UPF1: variants seen among roughly 807,000 people sequenced by gnomAD.
UPF1 encodes regulator of nonsense transcripts 1.
A neutral mutation model predicts 129.2 loss-of-function variants in UPF1; 9 were observed. That is an observed-to-expected ratio of 0.07 (90% CI 0.04 to 0.12). UPF1 has a LOEUF of 0.12. Ranked by LOEUF, UPF1 falls within the 10% of genes least tolerant of loss-of-function variation. UPF1 has a pLI of 1.00. For synonymous variants in UPF1, 649 were observed against 644.9 expected (o/e 1.01, Z -0.10); for missense variants, 788 against 1,525.3 (o/e 0.52, Z 8.05).
chr19:18,863,612 G>C lies in UPF1; in HGVS notation c.2775G>C (p.Pro925=). The part of the protein sequence containing the change: ...KPRKLVNTIN[P]GARFMTTAMY... Reference sequence around the variant, plus strand: ...GGAAGCTGGTCAACACTATCAACCCGGTGAGCGCCTGCACAGGACAGCAGG... The same window carrying C: ...GGAAGCTGGTCAACACTATCAACCCCGTGAGCGCCTGCACAGGACAGCAGG... Residue 925 remains proline (P), a splice_region_variant and synonymous_variant, in exon 19 of 24, where the codon CCG becomes CCC. Coordinates refer to ENST00000262803, the MANE Select transcript of UPF1 (RefSeq NM_002911.4). The C allele has an allele frequency of 6.2e-7, 1 of 1,612,558 alleles. No homozygotes were observed. The highest frequency in any genetic ancestry group is 8.5e-7 in the Non-Finnish European group (1 of 1,179,464).
At chr19:18,859,034 A>C (rs1601123111) in intron 15 of UPF1, among the ~76,000 whole-genome samples, 1 of 152,166 alleles carries the variant, frequency 6.6e-6, no homozygotes, top group Admixed American at 6.5e-5. Flanking sequence ...GGGTTGGGCC[A>C]CACCACTCTT....
chr19:18,861,028 G>A, intron 17 of UPF1, 46 bp downstream of exon 17: 1 of 1,527,260 alleles, frequency 6.5e-7, no homozygotes, highest in South Asian at 1.2e-5. Flanking sequence ...GCCATGCAAG[G>A]GTATTGACCC....
chr19:18,852,775 G>C lies in UPF1; in HGVS notation c.973-212G>C, dbSNP rs910597412. ...CTGGTGTGCGGTGAAGCCTCCAGAC[G>C]GGATTGGCCTGTGTGTGTTCCGGGG... On this transcript the variant is annotated intron_variant, in intron 6 of 23. Coordinates refer to ENST00000262803, the MANE Select transcript of UPF1 (RefSeq NM_002911.4). Among the ~76,000 whole-genome samples the C allele has an allele frequency of 2.0e-5, 3 of 152,088 alleles. No individual in the cohort carries two copies. The East Asian group carries it at 5.8e-4, about 30-fold the overall frequency.
intron 1 of UPF1, among the ~76,000 whole-genome samples, chr19:18,836,016 C>T (rs965233612): frequency 3.3e-5 from 5 of 152,190 alleles, no homozygotes; most frequent in Non-Finnish European, 5.9e-5. Flanking sequence ...ACTCCCTGCA[C>T]TCAGAGCTGG....
intron 11 of UPF1, chr19:18,855,444 G>A (rs2055706572): frequency 1.5e-6 from 1 of 652,424 alleles, no homozygotes. Flanking sequence ...AACCAGGTCT[G>A]CTACTGGTTT....
At chr19:18,836,731 A>T (rs1041562935) in intron 1 of UPF1, among the ~76,000 whole-genome samples, 3 of 151,056 alleles carry the variant, frequency 2.0e-5, no homozygotes, top group Non-Finnish European at 4.4e-5. Flanking sequence ...AAAGTCAGGG[A>T]GATACCACTA....
Position 18,857,471 on chromosome 19 carries a change from C to T in UPF1, c.2120C>T (p.Ala707Val). Reference protein sequence around the residue: ...RLQVQYRMHPALSAFPSNIFY... With the variant: ...RLQVQYRMHPVLSAFPSNIFY... ...CAGGTCCAGTACCGGATGCACCCTG[C>T]ACTCAGCGCCTTCCCATCCAACATC... is the stretch of plus-strand genomic sequence containing the variant. The change falls in exon 15 of 24, where the codon GCA (alanine) becomes GTA (valine). Residue 707 changes from alanine to valine, a missense_variant. By Grantham distance (64) the Ala-to-Val change is moderately conservative. Around this residue, in one of 6 missense-constraint regions of UPF1, gnomAD observed 140 missense variants for 385.9 expected, o/e 0.36. Transcript: ENST00000262803. 6.2e-7 allele frequency: 1 copy of T among 1,613,948 alleles called. No homozygotes were observed. Among genetic ancestry groups the T allele is most frequent in the Non-Finnish European group, 8.5e-7 (1 of 1,180,018 alleles).
chr19:18,864,055 GCACAGTGT>G, intron 19 of UPF1, 107 bp from the exon 20 acceptor site: 1 of 893,548 alleles, frequency 1.1e-6, no homozygotes, highest in Non-Finnish European at 1.8e-6. Flanking sequence ...AGAGCCCCTG[GCACAGTGT>G]CAACACCTCA....
Position 18,846,112 on chromosome 19 carries a change from G to T in UPF1, c.364G>T (p.Ala122Ser), listed in dbSNP as rs1196297233. 8.7e-6 allele frequency: 14 copies of T among 1,613,876 alleles called. No homozygotes were observed. The highest frequency in any genetic ancestry group is 1.1e-5 in the Non-Finnish European group (13 of 1,180,010). ...TYYTKDLPIH[A>S]CSYCGIHDPA... is the part of the protein sequence containing the mutation. ...TTACACGAAGGACCTCCCCATACAC[G>T]CCTGCAGGTGAGCTGAGCTCAGCTG... Residue 122 changes from alanine (A) to serine (S), a missense_variant, in exon 2 of 24, where the codon GCC becomes TCC. Around this residue, in one of 6 missense-constraint regions of UPF1, gnomAD observed 227 missense variants for 517.9 expected, o/e 0.44. Coordinates refer to ENST00000262803, the MANE Select transcript of UPF1 (RefSeq NM_002911.4).
intron 1 of UPF1, among the ~76,000 whole-genome samples, chr19:18,839,761 G>A (rs1181296751): frequency 2.0e-5 from 3 of 152,224 alleles, no homozygotes; most frequent in Admixed American, 6.5e-5. Flanking sequence ...GTGCTTGTGG[G>A]ACTGAGGGCA....
At chr19:18,855,471 G>T (rs550910917) in intron 11 of UPF1, 4 of 604,938 alleles carry the variant, frequency 6.6e-6, no homozygotes, top group African/African-American at 3.7e-5. Flanking sequence ...CTGGGGGCAG[G>T]GGGGGCATGG....
At chr19:18,846,198 C>A in intron 2 of UPF1, 79 bp downstream of exon 2, 1 of 1,582,676 alleles carries the variant, frequency 6.3e-7, no homozygotes. Flanking sequence ...ACTCACCTCC[C>A]AGGTACAGGG....
At position 18,849,982 on chromosome 19, in the gene UPF1, A is replaced by G. The variant is rs2055640592; in HGVS notation, c.462-93A>G. 7.3e-6 allele frequency: 11 copies of G among 1,511,384 alleles called. No homozygotes were observed. In the East Asian group the frequency reaches 2.3e-4, roughly 31 times the overall value. The allele number at this position is 1,511,384 out of a possible 1,614,324, so 93.6% of individuals were successfully genotyped here. Reference sequence around the variant, plus strand: ...TGACTGCCTCTGCTAATGGACCGTGAACGGTACCGGAACTTTTAACAGGGG... The same window carrying G: ...TGACTGCCTCTGCTAATGGACCGTGGACGGTACCGGAACTTTTAACAGGGG... On this transcript the variant is annotated intron_variant, in intron 3 of 23. Transcript: ENST00000262803.
intron 15 of UPF1, among the ~76,000 whole-genome samples, chr19:18,857,833 G>A (rs549711442): frequency 2.1e-4 from 32 of 152,354 alleles, no homozygotes; most frequent in African/African-American, 7.2e-4. Flanking sequence ...AGCTGAGCCC[G>A]GGCCTTAACG....
At position 18,857,008 on chromosome 19, in the gene UPF1, C is replaced by T. The variant is rs113001728; in HGVS notation, c.1956C>T (p.Leu652=). The T allele has an allele frequency of 2.8e-5, 45 of 1,610,314 alleles. No homozygotes were observed. The highest frequency in any genetic ancestry group is 2.5e-4 in the South Asian group (23 of 90,750). Residue 652 remains leucine (L), a synonymous_variant, in exon 14 of 24, where the codon CTC becomes CTT. Transcript: ENST00000262803. ...TEPECMVPVV[L]GAKQLILVGD... is the part of the protein sequence containing the mutation. ...CGGAGTGCATGGTTCCCGTGGTCCT[C>T]GGGGCCAAGCAGGTGGGCTGCCTCC...
rs765708492 is a variant in UPF1 at position 18,853,204 on chromosome 19, C to T, written c.1058-48C>T. 24 of 1,597,302 alleles carry T rather than the reference C, an allele frequency of 1.5e-5. No individual in the cohort carries two copies. The highest frequency in any genetic ancestry group is 2.0e-5 in the Non-Finnish European group (23 of 1,169,130). On this transcript the variant is annotated intron_variant, in intron 7 of 23. Transcript: ENST00000262803. The surrounding 1 kb of genome is among the most constrained non-coding windows in gnomAD (Gnocchi z 4.4). ...TAATTTGAACTCTCCCTGGTGGAAG[C>T]GACGGCGTGGGTTAAAATGGCCACC...
At chr19:18,838,167 T>C (rs1461721361) in intron 1 of UPF1, among the ~76,000 whole-genome samples, 1 of 152,224 alleles carries the variant, frequency 6.6e-6, no homozygotes, top group East Asian at 1.9e-4. Flanking sequence ...TTCCGAAAAG[T>C]GGTGAGTTTA....
intron 17 of UPF1, among the ~76,000 whole-genome samples, chr19:18,861,204 A>G (rs1333436263): frequency 3.9e-5 from 6 of 152,248 alleles, no homozygotes; most frequent in African/African-American, 1.4e-4. Flanking sequence ...AATACATCAC[A>G]GGGATCAGAA....
At chr19:18,837,430 C>T (rs1285039625) in intron 1 of UPF1, among the ~76,000 whole-genome samples, 1 of 152,198 alleles carries the variant, frequency 6.6e-6, no homozygotes, top group African/African-American at 2.4e-5. Flanking sequence ...CTACCTGTGA[C>T]CTAGCAGAGA....
Sources: gnomAD v4.1 joint callset for allele counts (sites outside exome capture counted in the v4.1 genomes callset) on GRCh38, gnomAD v4.1.1 for gene constraint, gnomAD v4.1.1 regional missense constraint, Gnocchi (gnomAD v3.1) non-coding constraint, MANE v1.5 for transcripts, NCBI Gene and HGNC (gene_info 2026-07-23, HGNC 2026-07-21) for gene names.